The following CCDC122 variants were observed in gnomAD, a reference collection of about 807,000 sequenced individuals.
The protein encoded by CCDC122 is coiled-coil domain-containing protein 122.
CCDC122 carries 38 observed loss-of-function variants against 37.0 expected under a neutral mutation model. That is an observed-to-expected ratio of 1.03 (90% CI 0.79 to 1.35). CCDC122 has a LOEUF of 1.35. Among genes scored for constraint, CCDC122 ranks in the 40% most tolerant of loss-of-function variants. CCDC122 has a pLI of 0.00. For missense variants in CCDC122, 305 were observed against 310.0 expected, an observed-to-expected ratio of 0.98 and a Z score of 0.12; for synonymous variants, 83 against 95.6, an observed-to-expected ratio of 0.87 and a Z score of 0.77.
chr13:43,822,693 G>A (rs895583813), downstream of CCDC122, among the ~76,000 whole-genome samples: 1 of 152,170 alleles, frequency 6.6e-6, no homozygotes, highest in Non-Finnish European at 1.5e-5. Context: ...TTTTCACAGA[G>A]AGAGGAGCCT....
At chr13:43,870,703 C>T (rs772646489) in intron 2 of CCDC122, among the ~76,000 whole-genome samples, 1 of 150,938 alleles carries the variant, frequency 6.6e-6, no homozygotes, top group Non-Finnish European at 1.5e-5. Context: ...TTACAATGTT[C>T]ATTTTACAAA....
intron 6 of CCDC122, among the ~76,000 whole-genome samples, chr13:43,850,347 C>T (rs1314380922): frequency 2.0e-5 from 3 of 152,228 alleles, no homozygotes; most frequent in Non-Finnish European, 2.9e-5. Flanking sequence ...ATGCACCACA[C>T]GAACATAACA....
chr13:43,821,120 T>G (rs1952989874), downstream of CCDC122, among the ~76,000 whole-genome samples: 2 of 152,366 alleles, frequency 1.3e-5, no homozygotes, highest in South Asian at 4.1e-4. Context: ...GTTTCGGAGT[T>G]TGATTATTAA....
chr13:43,825,126 C>T (rs573930871), intron 3 of CCDC122, among the ~76,000 whole-genome samples: 21 of 152,250 alleles, frequency 1.4e-4, no homozygotes, highest in African/African-American at 5.1e-4. Context: ...GCACTATTCG[C>T]AATAGCAAAG....
At chr13:43,849,125 CT>C (rs1380907255) in intron 6 of CCDC122, 3 of 818,200 alleles carry the variant, frequency 3.7e-6, no homozygotes, top group Non-Finnish European at 1.5e-6. Context: ...CATTTTTTAA[CT>C]GAATTGAGGA....
At chr13:43,839,407 T>C (rs747480773) in intron 6 of CCDC122, among the ~76,000 whole-genome samples, 29 of 152,352 alleles carry the variant, frequency 1.9e-4, no homozygotes, top group Middle Eastern at 3.4e-3. Context: ...GTCTATGGCA[T>C]ACCATGTAAC....
Position 43,869,398 on chromosome 13 carries a change from T to G in CCDC122, c.-22A>C, listed in dbSNP as rs550438423. ...ACATTTTCTGTGTCTGTAATCTCTT[T>G]TCCCCTTTTTGATTTACCTTCTTTA... On this transcript the variant is annotated 5_prime_UTR_variant, in exon 3 of 7. Transcript: ENST00000444614. 1 of 1,596,522 alleles carries G rather than the reference T, an allele frequency of 6.3e-7. No homozygotes were observed. The highest frequency in any genetic ancestry group is 2.2e-5 in the East Asian group (1 of 44,554).
intron 4 of CCDC122, among the ~76,000 whole-genome samples, chr13:43,860,480 G>A (rs986057636): frequency 5.3e-5 from 8 of 152,080 alleles, no homozygotes; most frequent in African/African-American, 1.7e-4. Context: ...TTACTACTTC[G>A]TATGATCATG....
intron 4 of CCDC122, among the ~76,000 whole-genome samples, chr13:43,862,450 A>C (rs1954137202): frequency 6.6e-6 from 1 of 152,158 alleles, no homozygotes; most frequent in Non-Finnish European, 1.5e-5. Context: ...TGAACCAACC[A>C]CTATTCCACT....
intron 6 of CCDC122, among the ~76,000 whole-genome samples, chr13:43,841,313 ACT>A (rs1419500994): frequency 5.3e-5 from 8 of 152,190 alleles, no homozygotes; most frequent in Non-Finnish European, 1.5e-5. Flanking sequence ...AAACTCTCAA[ACT>A]GTTTTTCCAA....
chr13:43,838,401 G>A (rs1361180036), intron 6 of CCDC122, among the ~76,000 whole-genome samples: 1 of 152,080 alleles, frequency 6.6e-6, no homozygotes, highest in East Asian at 1.9e-4. Context: ...TGAGCCAGAC[G>A]AGGATACACT....
intron 6 of CCDC122, among the ~76,000 whole-genome samples, chr13:43,837,990 C>T (rs762281567): frequency 2.6e-5 from 4 of 152,072 alleles, no homozygotes; most frequent in South Asian, 2.1e-4. Context: ...ACAGGTGGTC[C>T]GCTGACTATA....
chr13:43,855,865 C>G (rs1054452195), intron 6 of CCDC122: 1 of 151,986 alleles, frequency 6.6e-6, no homozygotes, highest in African/African-American at 2.4e-5. Flanking sequence ...GATTATATAC[C>G]CAAAGGAATA....
At chr13:43,863,693 G>A (rs1324589542) in intron 4 of CCDC122, among the ~76,000 whole-genome samples, 1 of 151,956 alleles carries the variant, frequency 6.6e-6, no homozygotes, top group African/African-American at 2.4e-5. Flanking sequence ...GTGTGTGTGT[G>A]TGTGTGTGTG....
chr13:43,840,639 G>T (rs7991729), intron 6 of CCDC122, among the ~76,000 whole-genome samples: 2 of 151,860 alleles, frequency 1.3e-5, no homozygotes, highest in Non-Finnish European at 2.9e-5. Flanking sequence ...GCGGTGTTTG[G>T]TTTTTTGTCT....
At chr13:43,821,569 A>C (rs1226364523), downstream of CCDC122, among the ~76,000 whole-genome samples, 1 of 152,112 alleles carries the variant, frequency 6.6e-6, no homozygotes, top group Non-Finnish European at 1.5e-5. Context: ...CCTTTGAATA[A>C]ACTCTCTACC....
chr13:43,851,820 C>T (rs1193193052), intron 6 of CCDC122, among the ~76,000 whole-genome samples: 5 of 152,100 alleles, frequency 3.3e-5, no homozygotes, highest in Admixed American at 6.5e-5. Context: ...TACAAGTCCC[C>T]CAGAGTTACA....
At chr13:43,819,730 A>G (rs1276161358), downstream of CCDC122, among the ~76,000 whole-genome samples, 3 of 152,122 alleles carry the variant, frequency 2.0e-5, no homozygotes, top group Non-Finnish European at 4.4e-5. Context: ...ATAAGAAGAG[A>G]GCAGAAATGG....
At chr13:43,839,548 T>C (rs999152715) in intron 6 of CCDC122, among the ~76,000 whole-genome samples, 2 of 152,170 alleles carry the variant, frequency 1.3e-5, no homozygotes, top group African/African-American at 4.8e-5. Flanking sequence ...AATACTGCCA[T>C]GAACATTTGT....
Sources: allele counts gnomAD v4.1 joint callset (sites outside exome capture counted in the v4.1 genomes callset), GRCh38; gene constraint gnomAD v4.1.1; transcripts MANE v1.5; gene names NCBI Gene and HGNC (gene_info 2026-07-23, HGNC 2026-07-21).